Variants in LIMCH1 observed in about 807,000 individuals in gnomAD.
The protein encoded by LIMCH1 is LIM and calponin homology domains-containing protein 1.
In LIMCH1, 113 loss-of-function variants were observed where a neutral mutation model predicts 176.5. The observed-to-expected ratio is 0.64, with a 90% CI of 0.55 to 0.75. LIMCH1 has a LOEUF of 0.75. LIMCH1 is among the 30% of genes least tolerant of loss of function. LIMCH1 has a pLI of 0.00. For missense variants in LIMCH1, 1,674 were observed against 1,814.9 expected (o/e 0.92, Z 1.41); for synonymous variants, 619 against 645.9 (o/e 0.96, Z 0.63).
In LIMCH1 at chr4:41,636,624, A is replaced by C. The variant is rs527716778; in HGVS notation, c.2091-2308A>C. 1.6e-3 allele frequency among the ~76,000 whole-genome samples: 243 copies of C among 152,286 alleles called. 2 individuals carry two copies. Among genetic ancestry groups the C allele is most frequent in the African/African-American group, 5.6e-3 (234 of 41,566 alleles). Reference sequence around the variant, plus strand: ...ATAAGTATTTAATAAATACTTATTGACTAGTCTGGCCACTGTTCAGGGAAC... The same window carrying C: ...ATAAGTATTTAATAAATACTTATTGCCTAGTCTGGCCACTGTTCAGGGAAC... On this transcript the variant is annotated intron_variant, in intron 13 of 31. Transcript: ENST00000503057.
chr4:41,681,328 C>G (rs1715596324), intron 25 of LIMCH1, among the ~76,000 whole-genome samples: 1 of 152,138 alleles, frequency 6.6e-6, no homozygotes, highest in Non-Finnish European at 1.5e-5. Flanking sequence ...CTCTCCACAC[C>G]TGGCTGGCAA....
At chr4:41,571,000 A>G (rs551370634) in intron 1 of LIMCH1, among the ~76,000 whole-genome samples, 44 of 152,324 alleles carry the variant, frequency 2.9e-4, no homozygotes, top group African/African-American at 1.0e-3. Flanking sequence ...TTAGCAAGTA[A>G]GGAATGATTG....
intron 1 of LIMCH1, among the ~76,000 whole-genome samples, chr4:41,494,158 G>C (rs576923045): frequency 7.8e-4 from 118 of 152,082 alleles, no homozygotes; most frequent in Admixed American, 3.6e-3. Flanking sequence ...AGAAAAAAAG[G>C]CTTCAAAGAA....
At chr4:41,612,986 A>G in intron 4 of LIMCH1, 1 of 1,550,102 alleles carries the variant, frequency 6.5e-7, no homozygotes, top group Non-Finnish European at 8.7e-7. Context: ...AGCAAAGACA[A>G]ATGTTGCCTG....
At chr4:41,517,555 C>T (rs928126379) in intron 2 of LIMCH1, among the ~76,000 whole-genome samples, 4 of 152,114 alleles carry the variant, frequency 2.6e-5, no homozygotes, top group Non-Finnish European at 4.4e-5. Flanking sequence ...CATTCTGAAC[C>T]GTGCATAGCA....
chr4:41,497,353 G>C (rs2072367673), intron 2 of LIMCH1, among the ~76,000 whole-genome samples: 1 of 151,686 alleles, frequency 6.6e-6, no homozygotes, highest in Non-Finnish European at 1.5e-5. Context: ...TCATCAAACA[G>C]AAGGATACCT....
intron 1 of LIMCH1, among the ~76,000 whole-genome samples, chr4:41,597,256 G>T (rs2152742015): frequency 6.6e-6 from 1 of 152,132 alleles, no homozygotes; most frequent in East Asian, 1.9e-4. Flanking sequence ...GTGTGATCTT[G>T]GACAATTTGC....
At chr4:41,472,318 TTCCCTCCC>T (rs1021196722) in intron 1 of LIMCH1, among the ~76,000 whole-genome samples, 1 of 151,192 alleles carries the variant, frequency 6.6e-6, no homozygotes, top group African/African-American at 2.4e-5. Context: ...AGCCAGTTCC[TTCCCTCCC>T]TCCCTCCCTC....
chr4:41,407,549 C>T, intron 1 of LIMCH1, among the ~76,000 whole-genome samples: 1 of 152,174 alleles, frequency 6.6e-6, no homozygotes, highest in Non-Finnish European at 1.5e-5. Flanking sequence ...CTTTATCCTT[C>T]AAGTAAAGAG....
chr4:41,694,715 A>G lies in LIMCH1; in HGVS notation c.4378+2331A>G, dbSNP rs142259244. ...TATTTTTAAATGAACATCCTTGTGC[A>G]TATATCTTGGTGAATATTTCAGAGC... is the stretch of plus-strand genomic sequence containing the variant. On this transcript the variant is annotated intron_variant, in intron 31 of 31. Transcript: ENST00000503057. Among the ~76,000 whole-genome samples, 24 of 152,296 alleles carry G rather than the reference A, an allele frequency of 1.6e-4. No individual in the cohort carries two copies. In the East Asian group the frequency reaches 4.4e-3, roughly 28 times the overall value.
chr4:41,395,078 G>C (rs1305278923), intron 1 of LIMCH1, among the ~76,000 whole-genome samples: 1 of 152,128 alleles, frequency 6.6e-6, no homozygotes, highest in East Asian at 1.9e-4. Flanking sequence ...AAGAGAACAG[G>C]CTTGTCTATG....
At chr4:41,589,990 G>A (rs1219101620) in intron 1 of LIMCH1, among the ~76,000 whole-genome samples, 5 of 151,926 alleles carry the variant, frequency 3.3e-5, no homozygotes, top group East Asian at 1.9e-4. Flanking sequence ...CTTTCCCCTC[G>A]TCCTCTATCC....
intron 1 of LIMCH1, among the ~76,000 whole-genome samples, chr4:41,430,676 T>G (rs1001076008): frequency 3.9e-5 from 6 of 152,250 alleles, no homozygotes; most frequent in Non-Finnish European, 7.3e-5. Flanking sequence ...CTTCAGAACT[T>G]AAATATGATG....
At chr4:41,590,643 C>T (rs547388758) in intron 1 of LIMCH1, among the ~76,000 whole-genome samples, 2 of 152,322 alleles carry the variant, frequency 1.3e-5, no homozygotes, top group East Asian at 1.9e-4. Flanking sequence ...TGCTTCTGCT[C>T]ATTTCCCATC....
intron 1 of LIMCH1, among the ~76,000 whole-genome samples, chr4:41,461,079 C>T (rs1162674571): frequency 6.6e-6 from 1 of 152,120 alleles, no homozygotes; most frequent in Non-Finnish European, 1.5e-5. Flanking sequence ...TAGTGGTTAT[C>T]CTATGCTAGT....
At chr4:41,369,761 C>T (rs912112262) in intron 1 of LIMCH1, among the ~76,000 whole-genome samples, 2 of 151,622 alleles carry the variant, frequency 1.3e-5, no homozygotes, top group African/African-American at 4.9e-5. Flanking sequence ...TCTTAGTCAT[C>T]ACCCTGTTCC....
intron 1 of LIMCH1, among the ~76,000 whole-genome samples, chr4:41,434,857 C>G (rs1267507474): frequency 6.6e-6 from 1 of 152,196 alleles, no homozygotes; most frequent in Non-Finnish European, 1.5e-5. Context: ...AGTGACTGAG[C>G]ATGGTGTCTA....
At chr4:41,588,050 G>A (rs1021713000) in intron 1 of LIMCH1, among the ~76,000 whole-genome samples, 2 of 151,818 alleles carry the variant, frequency 1.3e-5, no homozygotes, top group African/African-American at 4.8e-5. Context: ...TCGTCAATTA[G>A]CATTAGGTAT....
chr4:41,441,179 C>T (rs2154141409), intron 1 of LIMCH1, among the ~76,000 whole-genome samples: 1 of 152,116 alleles, frequency 6.6e-6, no homozygotes, highest in Non-Finnish European at 1.5e-5. Context: ...AATGAATTTA[C>T]TAGAAGAAGA....
Sources: gnomAD v4.1 joint callset for allele counts (sites outside exome capture counted in the v4.1 genomes callset) on GRCh38, gnomAD v4.1.1 for gene constraint, MANE v1.5 for transcripts, NCBI Gene and HGNC (gene_info 2026-07-23, HGNC 2026-07-21) for gene names.